ACSF2: variants seen among roughly 807,000 people sequenced by gnomAD.
The protein encoded by ACSF2 is medium-chain acyl-CoA ligase ACSF2, mitochondrial.
Under a neutral mutation model 79.3 loss-of-function variants are expected in ACSF2, and 52 were observed. The ratio of observed to expected loss-of-function variants is 0.66; its 90% CI spans 0.53 to 0.83. The LOEUF is 0.83. ACSF2 is among the 40% of genes least tolerant of loss of function. ACSF2 has a pLI of 0.00. For missense variants in ACSF2, 661 were observed against 803.3 expected (o/e 0.82, Z 2.14); for synonymous variants, 283 against 312.6 (o/e 0.91, Z 1.00).
At chr17:50,448,182 G>C (rs549358524) in intron 1 of ACSF2, among the ~76,000 whole-genome samples, 4 of 152,362 alleles carry the variant, frequency 2.6e-5, no homozygotes, top group East Asian at 1.9e-4. Flanking sequence ...CTGCAAAGCT[G>C]TACAGCATGT....
chr17:50,439,060 T>C (rs1374509760), intron 1 of ACSF2, among the ~76,000 whole-genome samples: 1 of 151,950 alleles, frequency 6.6e-6, no homozygotes, highest in Non-Finnish European at 1.5e-5. Context: ...CAATAAACAA[T>C]ACATATTTTA....
Position 50,426,253 on chromosome 17 carries a change from A to C in ACSF2, c.-9A>C. The C allele has an allele frequency of 7.4e-7, 1 of 1,353,826 alleles. No homozygotes were observed. Among genetic ancestry groups the C allele is most frequent in the Non-Finnish European group, 9.6e-7 (1 of 1,045,612 alleles). 83.9% of individuals were successfully genotyped at this position (1,353,826 alleles called of 1,614,324 possible). Reference sequence around the variant, plus strand: ...TTTACTCGGGCCGGGACGCAGGGCAAAGCGAGCCATGGCTGTCTACGTCGG... The same window carrying C: ...TTTACTCGGGCCGGGACGCAGGGCACAGCGAGCCATGGCTGTCTACGTCGG... On this transcript the variant is annotated 5_prime_UTR_variant, in exon 1 of 16. Transcript: ENST00000300441.
intron 4 of ACSF2, 106 bp from the exon 5 acceptor site, chr17:50,462,078 C>A: frequency 1.1e-6 from 1 of 894,134 alleles, no homozygotes; most frequent in Non-Finnish European, 1.8e-6. Context: ...GTGTGTGTGT[C>A]AGAAGCGGGT....
At chr17:50,441,915 C>T (rs1388145450) in intron 1 of ACSF2, among the ~76,000 whole-genome samples, 3 of 152,090 alleles carry the variant, frequency 2.0e-5, no homozygotes. Flanking sequence ...TCATGGCTTA[C>T]AGCAGCCTCG....
intron 10 of ACSF2, chr17:50,468,356 T>A: frequency 6.2e-7 from 1 of 1,614,206 alleles, no homozygotes; most frequent in Non-Finnish European, 8.5e-7. Context: ...GTTGTTGAGC[T>A]GCAAGATGAA....
chr17:50,466,026 G>A (rs529156381), intron 10 of ACSF2, among the ~76,000 whole-genome samples: 68 of 147,838 alleles, frequency 4.6e-4, no homozygotes, highest in Non-Finnish European at 8.2e-4. Flanking sequence ...AGTGATCTCA[G>A]ATAATCCAAT....
rs769524417 is a variant in ACSF2 at position 50,474,501 on chromosome 17, G to A, written c.1798-1G>A. ...CCCTAACTCCATTTTCTTTCCTCTAGATCCAGAAATTCAAACTTCGAGAGC... is the reference window on the plus strand; with the variant it reads ...CCCTAACTCCATTTTCTTTCCTCTAAATCCAGAAATTCAAACTTCGAGAGC... On this transcript the variant is annotated splice_acceptor_variant, in intron 15 of 15. Coordinates refer to ENST00000300441, the MANE Select transcript of ACSF2 (RefSeq NM_025149.6). LOFTEE classifies it high-confidence loss of function. The surrounding 1 kb of genome is among the most constrained non-coding windows in gnomAD (Gnocchi z 4.2). 1 of 1,614,136 alleles carries A rather than the reference G, an allele frequency of 6.2e-7. No homozygotes were observed. Among genetic ancestry groups the A allele is most frequent in the South Asian group, 1.1e-5 (1 of 91,072 alleles).
intron 1 of ACSF2, among the ~76,000 whole-genome samples, chr17:50,435,985 T>C (rs1488919747): frequency 6.6e-6 from 1 of 152,124 alleles, no homozygotes; most frequent in African/African-American, 2.4e-5. Flanking sequence ...TCAAGCCTAA[T>C]AACTTTTTGC....
chr17:50,463,996 T>G lies in ACSF2; in HGVS notation c.1138+87T>G. Reference sequence around the variant, plus strand: ...CCGGGTGAGTTAGCTATGCTCCCAGTCTTTTATATAGGGGGCAAGAAGGAC... The same window carrying G: ...CCGGGTGAGTTAGCTATGCTCCCAGGCTTTTATATAGGGGGCAAGAAGGAC... On this transcript the variant is annotated intron_variant, in intron 9 of 15. Transcript: ENST00000300441. This position sits in a 1 kb window ranked among gnomAD's most constrained non-coding sequence, Gnocchi z 4.6. 1 of 1,343,382 alleles carries G rather than the reference T, an allele frequency of 7.4e-7. No homozygotes were observed. Among genetic ancestry groups the G allele is most frequent in the Non-Finnish European group, 1.1e-6 (1 of 942,046 alleles). 83.2% of individuals were successfully genotyped at this position (1,343,382 alleles called of 1,614,324 possible).
chr17:50,434,981 C>T (rs2030273607), intron 1 of ACSF2, among the ~76,000 whole-genome samples: 2 of 152,168 alleles, frequency 1.3e-5, no homozygotes, highest in African/African-American at 4.8e-5. Flanking sequence ...TGCGATTCTC[C>T]TGCCTCAGCC....
chr17:50,445,709 G>A (rs1036474924), intron 1 of ACSF2, among the ~76,000 whole-genome samples: 1 of 151,904 alleles, frequency 6.6e-6, no homozygotes, highest in African/African-American at 2.4e-5. Context: ...GCTGGGATAG[G>A]AGGATCACTT....
chr17:50,443,035 G>A (rs1435015121), intron 1 of ACSF2, among the ~76,000 whole-genome samples: 2 of 151,398 alleles, frequency 1.3e-5, no homozygotes, highest in Non-Finnish European at 2.9e-5. Flanking sequence ...TCAGCCTCCC[G>A]AATAGCTGGG....
intron 11 of ACSF2, 105 bp from the exon 12 acceptor site, chr17:50,472,323 T>A: frequency 7.2e-7 from 1 of 1,385,084 alleles, no homozygotes; most frequent in Non-Finnish European, 9.7e-7. Flanking sequence ...TTCCAGGCAG[T>A]TGGGTTGGGG....
chr17:50,437,433 TGAGGCCAG>T (rs2030522688), intron 1 of ACSF2, among the ~76,000 whole-genome samples: 1 of 152,150 alleles, frequency 6.6e-6, no homozygotes, highest in Admixed American at 6.6e-5. Context: ...GAGGGTTGCT[TGAGGCCAG>T]GAGTTTGAGA....
intron 1 of ACSF2, among the ~76,000 whole-genome samples, chr17:50,429,581 A>G (rs1393264930): frequency 1.3e-5 from 2 of 150,136 alleles, no homozygotes; most frequent in East Asian, 3.9e-4. Context: ...GTGCAATGGC[A>G]TGATCTCAGG....
At chr17:50,435,837 C>G (rs946833314) in intron 1 of ACSF2, among the ~76,000 whole-genome samples, 6 of 151,116 alleles carry the variant, frequency 4.0e-5, no homozygotes, top group South Asian at 2.1e-4. Context: ...AGGCTGGTCT[C>G]CAACTCCTCG....
chr17:50,469,064 T>C (rs1311407159), intron 10 of ACSF2: 2 of 1,266,644 alleles, frequency 1.6e-6, no homozygotes, highest in South Asian at 2.4e-5. Context: ...CATGAGGGGG[T>C]GGGACCGTGG....
At chr17:50,439,942 TC>T (rs745994283) in intron 1 of ACSF2, among the ~76,000 whole-genome samples, 14 of 152,352 alleles carry the variant, frequency 9.2e-5, no homozygotes, top group Non-Finnish European at 1.6e-4. Flanking sequence ...TCTGTTCTGT[TC>T]CTATTCATTG....
chr17:50,466,020 A>C, intron 10 of ACSF2: 1 of 693,270 alleles, frequency 1.4e-6, no homozygotes, highest in Non-Finnish European at 2.4e-6. Flanking sequence ...TGACCAAGTG[A>C]TCTCAGATAA....
Sources: allele counts gnomAD v4.1 joint callset (sites outside exome capture counted in the v4.1 genomes callset), GRCh38; gene constraint gnomAD v4.1.1; non-coding constraint Gnocchi (gnomAD v3.1); transcripts MANE v1.5; gene names NCBI Gene and HGNC (gene_info 2026-07-23, HGNC 2026-07-21).